Variants in DAO observed in about 807,000 individuals in gnomAD.
DAO encodes D-amino acid oxidase.
In DAO, 51 loss-of-function variants were observed where a neutral mutation model predicts 50.1. The ratio of observed to expected loss-of-function variants is 1.02; its 90% CI spans 0.81 to 1.29. The LOEUF (loss-of-function observed/expected upper bound fraction) is 1.29, where lower values mean the gene tolerates loss of function less well. Among genes scored for constraint, DAO ranks in the 50% most tolerant of loss-of-function variants. The pLI is 0.00. For synonymous variants in DAO, 160 were observed against 166.2 expected, an observed-to-expected ratio of 0.96 and a Z score of 0.29; for missense variants, 436 against 439.4, an observed-to-expected ratio of 0.99 and a Z score of 0.07.
chr12:108,887,567 G>A lies in DAO; in HGVS notation c.309+3G>A. The A allele has an allele frequency of 6.2e-7, 1 of 1,606,530 alleles. No homozygotes were observed. Among genetic ancestry groups the A allele is most frequent in the Non-Finnish European group, 8.5e-7 (1 of 1,173,174 alleles). ...ACCTCTTCCATGAAGCCATTCCGGT[G>A]GGTGAACAGTTCTTGACCATGAGGG... On this transcript the variant is annotated splice_donor_region_variant and intron_variant, in intron 3 of 10. Coordinates refer to ENST00000228476, the MANE Select transcript of DAO (RefSeq NM_001917.5).
rs756775362 is a variant in DAO at position 108,899,381 on chromosome 12, C to T, written c.818C>T (p.Ala273Val). 1 of 1,612,874 alleles carries T rather than the reference C, an allele frequency of 6.2e-7. No homozygotes were observed. The highest frequency in any genetic ancestry group is 1.1e-5 in the South Asian group (1 of 90,888). Residue 273 changes from alanine to valine, a missense_variant, in exon 10 of 11, where the codon GCA (alanine) becomes GTA (valine). Physicochemically the swap from Ala to Val is moderately conservative, Grantham distance 64. Transcript: ENST00000228476. ...GATCAGCACTTTTCTTTCCAGAATG[C>T]AAGAATTATTGGTGAACGAACTGGC... The part of the protein sequence containing the change: ...CCRLEPTLKN[A>V]RIIGERTGFR...
chr12:108,881,196 AC>A, intron 1 of DAO, among the ~76,000 whole-genome samples: 1 of 150,464 alleles, frequency 6.6e-6, no homozygotes, highest in Non-Finnish European at 1.5e-5. Flanking sequence ...ACACACACAC[AC>A]AAATATAATA....
At chr12:108,891,439 G>A (rs534594234) in intron 5 of DAO, among the ~76,000 whole-genome samples, 1 of 136,218 alleles carries the variant, frequency 7.3e-6, no homozygotes, top group Non-Finnish European at 1.5e-5. Flanking sequence ...GACAGGGCGA[G>A]ACCCTGTCTC....
At chr12:108,893,567 G>A (rs1465639444) in intron 6 of DAO, among the ~76,000 whole-genome samples, 2 of 152,178 alleles carry the variant, frequency 1.3e-5, no homozygotes, top group African/African-American at 4.8e-5. Context: ...GTAGCTACTA[G>A]TGCTATGTCA....
At chr12:108,888,391 A>G (rs141632234) in intron 3 of DAO, among the ~76,000 whole-genome samples, 2,785 of 151,148 alleles carry the variant, frequency 0.018, 87 homozygotes, top group African/African-American at 0.064. Flanking sequence ...GCTGGAGTGC[A>G]TTGGCATGAT....
chr12:108,895,735 G>T (rs1326282321), intron 7 of DAO, among the ~76,000 whole-genome samples: 1 of 111,968 alleles, frequency 8.9e-6, no homozygotes, highest in Non-Finnish European at 1.7e-5. Context: ...GCATGTGAGG[G>T]TGTGTGTGTG....
chr12:108,890,131 C>T, intron 4 of DAO, 77 bp from the exon 5 acceptor site: 7 of 1,236,766 alleles, frequency 5.7e-6, no homozygotes, highest in Non-Finnish European at 7.2e-6. Flanking sequence ...AACATTGCTC[C>T]CACCTCCATT....
At chr12:108,884,590 T>G (rs1836201250) in intron 1 of DAO, among the ~76,000 whole-genome samples, 1 of 152,194 alleles carries the variant, frequency 6.6e-6, no homozygotes, top group African/African-American at 2.4e-5. Flanking sequence ...TTGAAGCATC[T>G]TGCCCAAAGT....
chr12:108,893,042 T>C lies in DAO; in HGVS notation c.507+6T>C, dbSNP rs763400084. 3 of 1,612,930 alleles carry C rather than the reference T, an allele frequency of 1.9e-6. No homozygotes were observed. Among genetic ancestry groups the C allele is most frequent in the Non-Finnish European group, 8.5e-7 (1 of 1,179,318 alleles). On this transcript the variant is annotated splice_donor_region_variant and intron_variant, in intron 6 of 10. Transcript: ENST00000228476. Reference sequence around the variant, plus strand: ...AAGTGGAGTCTTTTGAGGAGGTGAGTTGCAGGGCTGATGCGGTGGATGGGG... The same window carrying C: ...AAGTGGAGTCTTTTGAGGAGGTGAGCTGCAGGGCTGATGCGGTGGATGGGG...
intron 6 of DAO, among the ~76,000 whole-genome samples, chr12:108,893,512 C>G (rs1189842278): frequency 6.6e-6 from 1 of 152,128 alleles, no homozygotes; most frequent in South Asian, 2.1e-4. Flanking sequence ...CATTCAATCC[C>G]AGCATCTAAA....
At chr12:108,899,761 G>A (rs1283887119) in intron 10 of DAO, 62 of 478,210 alleles carry the variant, frequency 1.3e-4, no homozygotes, top group South Asian at 7.7e-4. Flanking sequence ...GGTAGCTGGT[G>A]CTGATGGAAA....
intron 8 of DAO, 184 bp from the exon 9 acceptor site, chr12:108,898,495 G>C (rs1593167833): frequency 1.5e-6 from 1 of 669,644 alleles, no homozygotes. Context: ...TGTTGATGGA[G>C]ATGACAACAT....
chr12:108,888,714 CTCTGACACTATGCTCTGTTG>C (rs1254685451), intron 3 of DAO, among the ~76,000 whole-genome samples: 2 of 151,986 alleles, frequency 1.3e-5, no homozygotes, highest in Non-Finnish European at 2.9e-5. Context: ...AGGCTGGGGT[CTCTGACACTATGCTCTGTTG>C]TCTGACACTA....
intron 6 of DAO, 106 bp downstream of exon 6, chr12:108,893,142 C>A: frequency 1.0e-6 from 1 of 977,242 alleles, no homozygotes; most frequent in Non-Finnish European, 1.6e-6. Flanking sequence ...AGGGTCCCCA[C>A]AGGCCTGCCT....
At chr12:108,890,152 C>A (rs2039475426) in intron 4 of DAO, 56 bp from the exon 5 acceptor site, 2 of 1,462,266 alleles carry the variant, frequency 1.4e-6, no homozygotes, top group Non-Finnish European at 1.9e-6. Context: ...TCACAGCCTT[C>A]AAATATAGCT....
chr12:108,885,944 G>A (rs563813119), intron 2 of DAO, among the ~76,000 whole-genome samples: 9 of 152,278 alleles, frequency 5.9e-5, no homozygotes, highest in African/African-American at 2.2e-4. Flanking sequence ...TAGTAGAGAT[G>A]GAGTTTCATG....
At chr12:108,891,038 G>C (rs1479535120) in intron 5 of DAO, among the ~76,000 whole-genome samples, 4 of 152,142 alleles carry the variant, frequency 2.6e-5, no homozygotes, top group African/African-American at 7.2e-5. Context: ...AGCCAGGATG[G>C]TCTCAATCTC....
chr12:108,896,578 G>T (rs920930679), intron 7 of DAO, among the ~76,000 whole-genome samples: 6 of 152,018 alleles, frequency 3.9e-5, no homozygotes, highest in African/African-American at 2.4e-5. Flanking sequence ...CCTAACTTTG[G>T]TCAGGTCATT....
chr12:108,899,318 TA>T (rs1219837469), intron 9 of DAO, 58 bp from the exon 10 acceptor site: 4 of 1,310,334 alleles, frequency 3.1e-6, no homozygotes, highest in South Asian at 1.2e-5. Context: ...CCCTACTACC[TA>T]AAAATGGCAG....
Sources: gnomAD v4.1 joint callset for allele counts (sites outside exome capture counted in the v4.1 genomes callset) on GRCh38, gnomAD v4.1.1 for gene constraint, MANE v1.5 for transcripts, NCBI Gene and HGNC (gene_info 2026-07-23, HGNC 2026-07-21) for gene names.